MTDH: variants seen among roughly 807,000 people sequenced by gnomAD.
MTDH encodes the protein protein LYRIC.
MTDH carries 34 observed loss-of-function variants against 72.7 expected under a neutral mutation model. The observed-to-expected ratio is 0.47, with a 90% CI of 0.36 to 0.62. The LOEUF (loss-of-function observed/expected upper bound fraction) is 0.62. MTDH is among the 20% of genes least tolerant of loss of function. The pLI is 0.00. For synonymous variants in MTDH, 266 were observed against 268.9 expected (o/e 0.99, Z 0.10); for missense variants, 677 against 699.4 (o/e 0.97, Z 0.36).
At chr8:97,720,162 G>T (rs1366446458) in intron 10 of MTDH, among the ~76,000 whole-genome samples, 1 of 152,156 alleles carries the variant, frequency 6.6e-6, no homozygotes, top group Middle Eastern at 3.2e-3. Context: ...GCAGGCACCT[G>T]TAATCCCAGC....
rs372714692 is a variant in MTDH, at chr8:97,706,794, G to A, written c.1272+44G>A. 2.5e-4 allele frequency: 400 copies of A among 1,586,958 alleles called. 3 individuals carry two copies. In the South Asian group the frequency reaches 4.3e-3, roughly 17 times the overall value. On this transcript the variant is annotated intron_variant, in intron 8 of 11. Transcript: ENST00000336273. Reference sequence around the variant, plus strand: ...TGGGTGTTTATTTGTTAATGAAAGAGACAGGCTGGGCACAGTGGCTCACGC... The same window carrying A: ...TGGGTGTTTATTTGTTAATGAAAGAAACAGGCTGGGCACAGTGGCTCACGC...
intron 1 of MTDH, among the ~76,000 whole-genome samples, chr8:97,645,836 G>A (rs749923972): frequency 5.3e-5 from 8 of 152,182 alleles, no homozygotes; most frequent in Non-Finnish European, 7.3e-5. Context: ...AGACTATGGA[G>A]GGTATGCAGA....
intron 11 of MTDH, among the ~76,000 whole-genome samples, chr8:97,723,410 G>A (rs1032437131): frequency 6.0e-5 from 9 of 149,328 alleles, no homozygotes; most frequent in Admixed American, 2.0e-4. Context: ...AAAAAAAAAC[G>A]TCTAATGGAT....
At chr8:97,721,011 G>C (rs948947958) in intron 10 of MTDH, among the ~76,000 whole-genome samples, 9 of 151,926 alleles carry the variant, frequency 5.9e-5, no homozygotes, top group African/African-American at 2.2e-4. Context: ...AAGAAGATTT[G>C]ATCCGTTCTG....
At chr8:97,709,193 C>CAA (rs56931322) in intron 8 of MTDH, among the ~76,000 whole-genome samples, 16 of 75,002 alleles carry the variant, frequency 2.1e-4, no homozygotes, top group South Asian at 5.4e-4. Context: ...GACTCCATCT[C>CAA]AAAAAAAAAA....
rs560569391 is a variant in MTDH, at chr8:97,703,785, A to G, written c.1148-2841A>G. 3.3e-5 allele frequency among the ~76,000 whole-genome samples: 5 copies of G among 152,350 alleles called. No homozygotes were observed. In the East Asian group the frequency reaches 5.8e-4, roughly 18 times the overall value. ...TAGATTAGAAACTGGTTTTAATATC[A>G]TCAGTGATAATAAAAACAGTAGCTA... On this transcript the variant is annotated intron_variant, in intron 7 of 11. Transcript: ENST00000336273.
Position 97,687,511 on chromosome 8 carries a change from G to A in MTDH, c.651G>A (p.Leu217=). The stretch of plus-strand genomic sequence containing the variant: ...AGGTGCTGACTGATTCTGGTTCATT[G>A]GATTCAACTATCCCTGGGATAGAAA... ...RDKVLTDSGS[L]DSTIPGIENT... is the part of the protein sequence containing the mutation. Residue 217 remains leucine, a synonymous_variant, in exon 4 of 12, where the codon TTG becomes TTA. Coordinates refer to ENST00000336273, the MANE Select transcript of MTDH (RefSeq NM_178812.4). 1 of 1,613,398 alleles carries A rather than the reference G, an allele frequency of 6.2e-7. No homozygotes were observed. The highest frequency in any genetic ancestry group is 8.5e-7 in the Non-Finnish European group (1 of 1,179,668).
Position 97,725,952 on chromosome 8 carries a change from A to T in MTDH, c.*1282A>T, listed in dbSNP as rs562704966. The T allele has an allele frequency of 6.5e-6, 1 of 152,730 alleles. No individual in the cohort carries two copies. Among genetic ancestry groups the T allele is most frequent in the East Asian group, 1.9e-4 (1 of 5,188 alleles). The allele number at this position is 152,730 out of a possible 1,614,324, so 9.5% of individuals were successfully genotyped here. On this transcript the variant is annotated 3_prime_UTR_variant, in exon 12 of 12. Transcript: ENST00000336273. ...AATTAACATCACTTAGTGAATTGTG[A>T]TAAAGAAAAAAAAGCCATGATTTAT...
intron 1 of MTDH, among the ~76,000 whole-genome samples, chr8:97,655,139 G>T (rs1811916553): frequency 6.6e-6 from 1 of 152,168 alleles, no homozygotes; most frequent in Non-Finnish European, 1.5e-5. Flanking sequence ...GTTTGTCCAG[G>T]GTGAAACACA....
At chr8:97,647,376 A>G (rs1369376932) in intron 1 of MTDH, among the ~76,000 whole-genome samples, 2 of 152,182 alleles carry the variant, frequency 1.3e-5, no homozygotes, top group Non-Finnish European at 2.9e-5. Context: ...GACCTGGGCA[A>G]TATAGTGAGA....
At position 97,644,548 on chromosome 8, in the gene MTDH, C is replaced by G. The variant is rs1448405449; in HGVS notation, c.42C>G (p.Ala14=). The G allele has an allele frequency of 1.2e-6, 2 of 1,600,626 alleles. No individual in the cohort carries two copies. The highest frequency in any genetic ancestry group is 1.7e-5 in the Admixed American group (1 of 59,228). Reference sequence around the variant, plus strand: ...GGCAGGACGAGCTGGCCCAGCAGGCCGAGGAGGGCTCGGCCCGGCTGCGGG... The same window carrying G: ...GGCAGGACGAGCTGGCCCAGCAGGCGGAGGAGGGCTCGGCCCGGCTGCGGG... The part of the protein sequence containing the change: ...RSWQDELAQQ[A]EEGSARLREM... The change falls in exon 1 of 12, where the codon GCC becomes GCG. Residue 14 remains alanine, a synonymous_variant. Transcript: ENST00000336273.
rs372776270 is a variant in MTDH, at chr8:97,659,883, G to A, written c.382-1189G>A. On this transcript the variant is annotated intron_variant, in intron 1 of 11. Transcript: ENST00000336273. ...ATTTAAAAAGTAAAAAAGAGGCTGG[G>A]CACGGTGGCTCACGCCTGTAATCCC... Among the ~76,000 whole-genome samples the A allele has an allele frequency of 8.5e-5, 13 of 152,324 alleles. No homozygotes were observed. The East Asian group carries it at 2.1e-3, about 25-fold the overall frequency.
At chr8:97,707,457 T>C (rs1254655487) in intron 8 of MTDH, among the ~76,000 whole-genome samples, 4 of 139,308 alleles carry the variant, frequency 2.9e-5, no homozygotes, top group Non-Finnish European at 6.1e-5. Context: ...GCCTTTTTTT[T>C]TTTTTTTTTT....
chr8:97,710,845 G>C (rs1270683335), intron 8 of MTDH, among the ~76,000 whole-genome samples: 1 of 151,764 alleles, frequency 6.6e-6, no homozygotes, highest in Non-Finnish European at 1.5e-5. Flanking sequence ...ACTGAAAATA[G>C]AAAAATTAGC....
Position 97,677,364 on chromosome 8 carries a change from G to A in MTDH, c.484-9304G>A, listed in dbSNP as rs556638355. Among the ~76,000 whole-genome samples the A allele has an allele frequency of 4.2e-4, 64 of 151,560 alleles. No individual in the cohort carries two copies. In the South Asian group the frequency reaches 0.013, roughly 32 times the overall value. ...AAATTAGCCGGGCATGGTGGCAGGT[G>A]CCTGTAGTCCCAGTTACTCGGGAGG... On this transcript the variant is annotated intron_variant, in intron 2 of 11. Transcript: ENST00000336273.
intron 4 of MTDH, 47 bp from the exon 5 acceptor site, chr8:97,688,991 T>C: frequency 2.1e-6 from 2 of 937,666 alleles, no homozygotes; most frequent in Non-Finnish European, 3.2e-6. Context: ...TTAATGTGCA[T>C]AGTGCCCTAT....
At chr8:97,698,618 T>C (rs1813971660) in intron 6 of MTDH, among the ~76,000 whole-genome samples, 1 of 152,220 alleles carries the variant, frequency 6.6e-6, no homozygotes, top group African/African-American at 2.4e-5. Context: ...CCTGCAACTC[T>C]TCTTGTCTCT....
chr8:97,722,010 A>G (rs537635237), intron 10 of MTDH, among the ~76,000 whole-genome samples: 1 of 152,328 alleles, frequency 6.6e-6, no homozygotes, highest in African/African-American at 2.4e-5. Context: ...ATCTACTGGT[A>G]GTTCAGAAGT....
intron 4 of MTDH, 66 bp downstream of exon 4, chr8:97,687,671 T>C: frequency 7.5e-7 from 1 of 1,331,124 alleles, no homozygotes; most frequent in Non-Finnish European, 1.0e-6. Flanking sequence ...ATGTACAAAA[T>C]ATCATTATGT....
Sources: allele counts gnomAD v4.1 joint callset (sites outside exome capture counted in the v4.1 genomes callset), GRCh38; gene constraint gnomAD v4.1.1; transcripts MANE v1.5; gene names NCBI Gene and HGNC (gene_info 2026-07-23, HGNC 2026-07-21).